Variants in RBBP5 observed in about 807,000 individuals in gnomAD.
The protein encoded by RBBP5 is retinoblastoma-binding protein 5.
RBBP5 carries 5 observed loss-of-function variants against 72.2 expected under a neutral mutation model. The ratio of observed to expected loss-of-function variants is 0.07; its 90% CI spans 0.04 to 0.15. The LOEUF is 0.15. Ranked by LOEUF, RBBP5 falls within the 10% of genes least tolerant of loss-of-function variation. The pLI is 1.00. For missense variants in RBBP5, 322 were observed against 652.2 expected, an observed-to-expected ratio of 0.49 and a Z score of 5.51; for synonymous variants, 209 against 237.2, an observed-to-expected ratio of 0.88 and a Z score of 1.09.
rs186549969 is a variant in RBBP5, at chr1:205,104,031, T to C, written c.360-12A>G. ...CGAGAACCTTGTTCCTGTTTAAAAA[T>C]ACGAACAGTACATTGGCTGTTGCTT... On this transcript the variant is annotated splice_polypyrimidine_tract_variant and intron_variant, in intron 4 of 13. Coordinates refer to ENST00000264515, the MANE Select transcript of RBBP5 (RefSeq NM_005057.4). The C allele has an allele frequency of 1.9e-6, 3 of 1,610,884 alleles. No individual in the cohort carries two copies. The highest frequency in any genetic ancestry group is 2.7e-5 in the African/African-American group (2 of 75,002).
chr1:205,089,698 G>A (rs914697085), intron 13 of RBBP5, among the ~76,000 whole-genome samples: 1 of 152,140 alleles, frequency 6.6e-6, no homozygotes, highest in African/African-American at 2.4e-5. Context: ...GTTACAATGA[G>A]ATACAAACTT....
intron 4 of RBBP5, among the ~76,000 whole-genome samples, chr1:205,104,529 A>G (rs1465463211): frequency 6.6e-6 from 1 of 151,348 alleles, no homozygotes; most frequent in Non-Finnish European, 1.5e-5. Context: ...TCTCAAAAAA[A>G]TTAAAATTTA....
chr1:205,107,846 T>TG, intron 3 of RBBP5, among the ~76,000 whole-genome samples: 1 of 150,876 alleles, frequency 6.6e-6, no homozygotes, highest in East Asian at 2.0e-4. Flanking sequence ...CTTGGGAGCC[T>TG]GAGGCTAAAG....
At chr1:205,097,044 GAATAA>G (rs1449929355) in intron 11 of RBBP5, 133 bp from the exon 12 acceptor site, 3 of 768,716 alleles carry the variant, frequency 3.9e-6, no homozygotes, top group Non-Finnish European at 6.2e-6. Flanking sequence ...AAGCCAAGAA[GAATAA>G]AAGGGAATCA....
chr1:205,089,550 A>G (rs1384579126), intron 13 of RBBP5, among the ~76,000 whole-genome samples: 3 of 152,208 alleles, frequency 2.0e-5, no homozygotes, highest in African/African-American at 4.8e-5. Context: ...ATGCCACTTG[A>G]AGGTATAATG....
Position 205,096,725 on chromosome 1 carries a change from T to C in RBBP5, c.1353A>G (p.Lys451=). The C allele has an allele frequency of 6.2e-7, 1 of 1,614,102 alleles. No homozygotes were observed. The highest frequency in any genetic ancestry group is 1.1e-5 in the South Asian group (1 of 91,076). Residue 451 remains lysine (K), a synonymous_variant, in exon 12 of 14, where the codon AAA becomes AAG. Coordinates refer to ENST00000264515, the MANE Select transcript of RBBP5 (RefSeq NM_005057.4). ...GAAGTTCTATATTGGTTGTTTTGGG[T>C]TTCTTCTTAGGTGGCTGGGACCCAT... ...SADGSQPPKK[K]PKTTNIELQG...
At chr1:205,102,030 G>A (rs1655850038) in intron 5 of RBBP5, among the ~76,000 whole-genome samples, 1 of 151,850 alleles carries the variant, frequency 6.6e-6, no homozygotes, top group South Asian at 2.1e-4. Flanking sequence ...CTGAGTAGCT[G>A]GGATTACACG....
chr1:205,112,252 A>G (rs186617121), intron 3 of RBBP5, among the ~76,000 whole-genome samples: 382 of 152,254 alleles, frequency 2.5e-3, no homozygotes, highest in Non-Finnish European at 4.2e-3. Context: ...CGGGAGGTGG[A>G]GGTTGCAGTG....
At chr1:205,101,550 C>T (rs954122010) in intron 6 of RBBP5, 50 bp downstream of exon 6, 2 of 1,296,096 alleles carry the variant, frequency 1.5e-6, no homozygotes, top group Admixed American at 2.4e-5. Flanking sequence ...TGTATTTTTG[C>T]ATTCTATTCA....
rs1280274866 is a variant in RBBP5, at chr1:205,093,480, ATATATATATAT to A, written c.1588+1382_1588+1392del. Among the ~76,000 whole-genome samples the A allele has an allele frequency of 8.4e-3, 65 of 7,772 alleles. 23 individuals are homozygous for A. Among genetic ancestry groups the A allele is most frequent in the Non-Finnish European group, 0.018 (53 of 2,964 alleles). The allele number at this position is 7,772 out of a possible 152,430, so 5.1% of individuals were successfully genotyped here. On this transcript the variant is annotated intron_variant, in intron 13 of 13. Transcript: ENST00000264515. ...TTTCAAAAAAAAAAAAAAAAAAAAA[ATATATATATAT>A]ATATATATATATATATATATATATA...
chr1:205,116,301 T>C (rs1242952696), intron 1 of RBBP5: 2 of 378,348 alleles, frequency 5.3e-6, no homozygotes, highest in South Asian at 2.0e-5. Context: ...CTATATAATA[T>C]GCTTTAAAAA....
At chr1:205,089,815 C>A (rs1655269557) in intron 13 of RBBP5, among the ~76,000 whole-genome samples, 1 of 152,112 alleles carries the variant, frequency 6.6e-6, no homozygotes. Flanking sequence ...CAACATAAAT[C>A]ACAATGAATT....
rs569952976 is a variant in RBBP5 at position 205,107,075 on chromosome 1, C to T, written c.219-1907G>A. Among the ~76,000 whole-genome samples, 165 of 129,368 alleles carry T rather than the reference C, an allele frequency of 1.3e-3. 1 individual carries two copies. Among genetic ancestry groups the T allele is most frequent in the African/African-American group, 4.0e-3 (153 of 37,960 alleles). The allele number at this position is 129,368 out of a possible 152,430, so 84.9% of individuals were successfully genotyped here. Reference sequence around the variant, plus strand: ...ATATGTATGTGTGTGTGTGTGTATACATATATATATATACACACACACACA... The same window carrying T: ...ATATGTATGTGTGTGTGTGTGTATATATATATATATATACACACACACACA... On this transcript the variant is annotated intron_variant, in intron 3 of 13. Coordinates refer to ENST00000264515, the MANE Select transcript of RBBP5 (RefSeq NM_005057.4).
Position 205,099,191 on chromosome 1 carries a change from C to T in RBBP5, c.979-85G>A. ...TTAATGATAAAATGAAAGATGTGAG[C>T]ATGAAAGGAATTCACAATTCTTAGA... is the stretch of plus-strand genomic sequence containing the variant. On this transcript the variant is annotated intron_variant, in intron 9 of 13. Coordinates refer to ENST00000264515, the MANE Select transcript of RBBP5 (RefSeq NM_005057.4). The surrounding 1 kb of genome is among the most constrained non-coding windows in gnomAD (Gnocchi z 4.7). The T allele has an allele frequency of 2.4e-6, 2 of 830,998 alleles. No individual in the cohort carries two copies. Among genetic ancestry groups the T allele is most frequent in the Non-Finnish European group, 1.8e-6 (1 of 568,196 alleles). The allele number at this position is 830,998 out of a possible 1,614,324, so 51.5% of individuals were successfully genotyped here. A position where few individuals can be genotyped will look rare whatever the true frequency, so the allele number is the denominator to read the frequency against.
chr1:205,105,308 T>C (rs1656011675), intron 3 of RBBP5, 140 bp from the exon 4 acceptor site: 4 of 889,824 alleles, frequency 4.5e-6, no homozygotes, highest in African/African-American at 3.3e-5. Flanking sequence ...TATACTCAAA[T>C]CCATAAGCTT....
chr1:205,086,380 G>A lies in RBBP5; in HGVS notation c.*2407C>T, dbSNP rs895546955. On this transcript the variant is annotated 3_prime_UTR_variant, in exon 14 of 14. Transcript: ENST00000264515. ...GCCTCCCGAGTAGCTAGGATTACAGGTGCCCGCCACCACGCCCAGCTAATT... is the reference window on the plus strand; with the variant it reads ...GCCTCCCGAGTAGCTAGGATTACAGATGCCCGCCACCACGCCCAGCTAATT... The A allele has an allele frequency of 6.6e-6, 1 of 152,060 alleles. No homozygotes were observed. Among genetic ancestry groups the A allele is most frequent in the Non-Finnish European group, 1.5e-5 (1 of 68,136 alleles). The allele number at this position is 152,060 out of a possible 1,614,324, so 9.4% of individuals were successfully genotyped here. A position where few individuals can be genotyped will look rare whatever the true frequency, so the allele number is the denominator to read the frequency against.
chr1:205,112,737 G>A lies in RBBP5; in HGVS notation c.218+2052C>T, dbSNP rs569742708. Among the ~76,000 whole-genome samples, 8 of 152,190 alleles carry A rather than the reference G, an allele frequency of 5.3e-5. No homozygotes were observed. In the South Asian group the frequency reaches 8.3e-4, roughly 16 times the overall value. On this transcript the variant is annotated intron_variant, in intron 3 of 13. Coordinates refer to ENST00000264515, the MANE Select transcript of RBBP5 (RefSeq NM_005057.4). ...ACAGTCATTTAAAAAGTTGTTAAAG[G>A]CTACTCAAGCAGAAAAATGTCGAGA... is the stretch of plus-strand genomic sequence containing the variant.
chr1:205,106,576 C>T (rs1446434457), intron 3 of RBBP5, among the ~76,000 whole-genome samples: 4 of 132,350 alleles, frequency 3.0e-5, no homozygotes, highest in Non-Finnish European at 5.5e-5. Flanking sequence ...CCAGCCTAGG[C>T]AACAGAGTGA....
chr1:205,091,338 C>T (rs1414313522), intron 13 of RBBP5: 1 of 152,228 alleles, frequency 6.6e-6, no homozygotes, highest in Non-Finnish European at 1.5e-5. Context: ...TTTAAAGTAA[C>T]TAAGAAGCAT....
Sources: gnomAD v4.1 joint callset for allele counts (sites outside exome capture counted in the v4.1 genomes callset) on GRCh38, gnomAD v4.1.1 for gene constraint, Gnocchi (gnomAD v3.1) non-coding constraint, MANE v1.5 for transcripts, NCBI Gene and HGNC (gene_info 2026-07-23, HGNC 2026-07-21) for gene names.